Variants in AQP5 observed in about 807,000 individuals in gnomAD.
The protein encoded by AQP5 is aquaporin-5.
A neutral mutation model predicts 19.1 loss-of-function variants in AQP5; 15 were observed. The ratio of observed to expected loss-of-function variants is 0.79; its 90% CI spans 0.53 to 1.21. The LOEUF (loss-of-function observed/expected upper bound fraction) is 1.21. AQP5 is among the 50% of genes most tolerant of loss of function. AQP5 has a pLI of 0.00. For missense variants in AQP5, 355 were observed against 357.1 expected (o/e 0.99, Z 0.05); for synonymous variants, 182 against 160.3 (o/e 1.14, Z -1.02).
chr12:49,965,124 T>C lies in AQP5; in HGVS notation c.745T>C (p.Trp249Arg). The change falls in exon 4 of 4, where the codon TGG becomes CGG. Residue 249 changes from tryptophan to arginine, a missense_variant. By Grantham distance (101) the Trp-to-Arg change is moderately radical. Coordinates refer to ENST00000293599, the MANE Select transcript of AQP5 (RefSeq NM_001651.4). ...IKGTYEPDED[W>R]EEQREERKKT... ...AGGCACGTATGAGCCTGACGAGGAC[T>C]GGGAGGAGCAGCGGGAAGAGCGGAA... The C allele has an allele frequency of 6.2e-7, 1 of 1,613,818 alleles. No individual in the cohort carries two copies. The highest frequency in any genetic ancestry group is 8.5e-7 in the Non-Finnish European group (1 of 1,179,910).
In AQP5 at chr12:49,962,095, C is replaced by A; in HGVS notation, c.78C>A (p.Phe26Leu). 6.2e-7 allele frequency: 1 copy of A among 1,613,552 alleles called. No homozygotes were observed. Among genetic ancestry groups the A allele is most frequent in the East Asian group, 2.2e-5 (1 of 44,852 alleles). ...TCTTGGCCACCCTCATCTTCGTCTT[C>A]TTTGGCCTGGGCTCGGCCCTCAAGT... Reference protein sequence around the residue: ...AEFLATLIFVFFGLGSALKWP... With the variant: ...AEFLATLIFVLFGLGSALKWP... Residue 26 changes from phenylalanine to leucine, a missense_variant, in exon 1 of 4, where the codon TTC (phenylalanine) becomes TTA (leucine). Phe to Leu is a conservative substitution (Grantham distance 22, BLOSUM62 0). Coordinates refer to ENST00000293599, the MANE Select transcript of AQP5 (RefSeq NM_001651.4).
chr12:49,964,921 T>G, intron 3 of AQP5, 71 bp from the exon 4 acceptor site: 1 of 1,553,126 alleles, frequency 6.4e-7, no homozygotes, highest in South Asian at 1.2e-5. Flanking sequence ...GTCTGTCCTC[T>G]GTGGGGTGGG....
Position 49,965,675 on chromosome 12 carries a change from A to G in AQP5, c.*498A>G. ...GTGGGGGCTACCCAATAAATCACTG[A>G]TACTCACGTTCCACCTCTGTCTCTC... On this transcript the variant is annotated 3_prime_UTR_variant, in exon 4 of 4. Transcript: ENST00000293599. 1 of 153,160 alleles carries G rather than the reference A, an allele frequency of 6.5e-6. No individual in the cohort carries two copies. Among genetic ancestry groups the G allele is most frequent in the Admixed American group, 6.5e-5 (1 of 15,454 alleles). 9.5% of individuals were successfully genotyped at this position (153,160 alleles called of 1,614,324 possible).
chr12:49,962,801 C>G (rs1947444513), intron 1 of AQP5: 1 of 175,430 alleles, frequency 5.7e-6, no homozygotes, highest in South Asian at 1.6e-4. Flanking sequence ...CTTCATTGTT[C>G]TCAGCGCCTC....
chr12:49,964,153 A>G lies in AQP5; in HGVS notation c.590A>G (p.Asn197Ser). ...TCTTTTGGCCCTGCGGTGGTCATGA[A>G]TCGGTTCAGCCCCGCTCACTGGGTG... ...ARSFGPAVVM[N>S]RFSPAHWVFW... Residue 197 changes from asparagine to serine, a missense_variant, in exon 3 of 4, where the codon AAT (asparagine) becomes AGT (serine). Physicochemically the swap from Asn to Ser is conservative, Grantham distance 46. Coordinates refer to ENST00000293599, the MANE Select transcript of AQP5 (RefSeq NM_001651.4). The G allele has an allele frequency of 6.2e-7, 1 of 1,614,012 alleles. No homozygotes were observed. Among genetic ancestry groups the G allele is most frequent in the Non-Finnish European group, 8.5e-7 (1 of 1,180,000 alleles).
intron 3 of AQP5, 58 bp from the exon 4 acceptor site, chr12:49,964,934 G>T: frequency 6.4e-7 from 1 of 1,566,846 alleles, no homozygotes; most frequent in Non-Finnish European, 8.6e-7. Flanking sequence ...GGGGTGGGGG[G>T]CATGTGGTCT....
Sources: gnomAD v4.1 joint callset for allele counts on GRCh38, gnomAD v4.1.1 for gene constraint, MANE v1.5 for transcripts, NCBI Gene and HGNC (gene_info 2026-07-23, HGNC 2026-07-21) for gene names.